STKLD1: variants seen among roughly 807,000 people sequenced by gnomAD.
STKLD1 encodes the protein serine/threonine kinase-like domain-containing protein STKLD1.
STKLD1 carries 79 observed loss-of-function variants against 80.4 expected under a neutral mutation model. The ratio of observed to expected loss-of-function variants is 0.98; its 90% CI spans 0.82 to 1.19. The LOEUF (loss-of-function observed/expected upper bound fraction) is 1.19, where lower values mean the gene tolerates loss of function less well. STKLD1 is among the 50% of genes most tolerant of loss of function. STKLD1 has a pLI of 0.00. For missense variants in STKLD1, 841 were observed against 856.0 expected (o/e 0.98, Z 0.22); for synonymous variants, 393 against 357.6 (o/e 1.10, Z -1.12).
intron 14 of STKLD1, 135 bp downstream of exon 14, chr9:133,403,147 C>A (rs1334967925): frequency 6.7e-6 from 6 of 895,998 alleles, no homozygotes; most frequent in Non-Finnish European, 9.6e-6. Flanking sequence ...GGGAAAGGCT[C>A]TTCTGAGAGC....
Position 133,394,997 on chromosome 9 carries a change from C to A in STKLD1, c.702+588C>A, listed in dbSNP as rs960671503. On this transcript the variant is annotated intron_variant, in intron 8 of 17. Coordinates refer to ENST00000371957, the MANE Select transcript of STKLD1 (RefSeq NM_153710.5). The surrounding 1 kb of genome is among the most constrained non-coding windows in gnomAD (Gnocchi z 4.9). ...AGGGAGGCAGGGAAGTCCAGCCTGT[C>A]GCTTCCTATCCTCTATATGCAGAAG... 2.0e-5 allele frequency among the ~76,000 whole-genome samples: 3 copies of A among 152,168 alleles called. No homozygotes were observed. Among genetic ancestry groups the A allele is most frequent in the Admixed American group, 6.5e-5 (1 of 15,290 alleles).
chr9:133,402,412 C>T (rs1838731315), intron 13 of STKLD1, among the ~76,000 whole-genome samples: 1 of 152,166 alleles, frequency 6.6e-6, no homozygotes, highest in Admixed American at 6.5e-5. Flanking sequence ...GCCCCAGCAC[C>T]CTCTTTACTG....
At chr9:133,387,150 A>T (rs1362012828) in intron 4 of STKLD1, among the ~76,000 whole-genome samples, 2 of 152,176 alleles carry the variant, frequency 1.3e-5, no homozygotes, top group African/African-American at 2.4e-5. Context: ...GGGGGTGGGT[A>T]GTGGTCCAAG....
At chr9:133,383,937 A>C (rs2130271643) in intron 3 of STKLD1, 37 bp downstream of exon 3, 11 of 1,589,566 alleles carry the variant, frequency 6.9e-6, no homozygotes, top group Non-Finnish European at 8.6e-6. Flanking sequence ...GGAAGAGCTC[A>C]ATGGAGCATA....
Position 133,394,551 on chromosome 9 carries a change from C to G in STKLD1, c.702+142C>G, listed in dbSNP as rs1838508441. On this transcript the variant is annotated intron_variant, in intron 8 of 17. Coordinates refer to ENST00000371957, the MANE Select transcript of STKLD1 (RefSeq NM_153710.5). This position sits in a 1 kb window ranked among gnomAD's most constrained non-coding sequence, Gnocchi z 4.9. ...GGCTGCACAGAGCCCTCTTCTCCAC[C>G]TGCGAGGGGCCTGCCCTCCTCAGAA... 2.9e-6 allele frequency: 2 copies of G among 678,126 alleles called. No homozygotes were observed. Among genetic ancestry groups the G allele is most frequent in the Non-Finnish European group, 5.3e-6 (2 of 378,852 alleles). The allele number at this position is 678,126 out of a possible 1,614,324, so 42.0% of individuals were successfully genotyped here.
chr9:133,398,440 G>A (rs982344089), intron 11 of STKLD1, among the ~76,000 whole-genome samples: 2 of 152,196 alleles, frequency 1.3e-5, no homozygotes, highest in African/African-American at 4.8e-5. Context: ...AGATGTTCAA[G>A]AGTGTGAATA....
At position 133,376,378 on chromosome 9, in the gene STKLD1, GGC is replaced by G; in HGVS notation, c.-93_-92del. On this transcript the variant is annotated 5_prime_UTR_variant, in exon 1 of 18. Transcript: ENST00000371957. The stretch of plus-strand genomic sequence containing the variant: ...GGGAGGGACGCCTGAGTGCCTCGAG[GGC>G]GCCGTTCGGGCGGGGAGGATCCCGC... 1 of 1,414,800 alleles carries G rather than the reference GGC, an allele frequency of 7.1e-7. No homozygotes were observed. Among genetic ancestry groups the G allele is most frequent in the Non-Finnish European group, 9.3e-7 (1 of 1,076,010 alleles). The allele number at this position is 1,414,800 out of a possible 1,614,324, so 87.6% of individuals were successfully genotyped here.
At chr9:133,383,426 GTGA>G (rs1382823981) in intron 2 of STKLD1, among the ~76,000 whole-genome samples, 8 of 144,586 alleles carry the variant, frequency 5.5e-5, no homozygotes, top group African/African-American at 2.0e-4. Flanking sequence ...GGTAATGATG[GTGA>G]TGATAGTGGT....
rs782441886 is a variant in STKLD1, at chr9:133,402,892, T to G, written c.1354T>G (p.Ser452Ala). The G allele has an allele frequency of 6.3e-7, 1 of 1,595,082 alleles. No individual in the cohort carries two copies. The highest frequency in any genetic ancestry group is 8.5e-7 in the Non-Finnish European group (1 of 1,171,268). The change falls in exon 14 of 18, where the codon TCA becomes GCA. Residue 452 changes from serine to alanine, a missense_variant. Transcript: ENST00000371957. ...CTCACCCACAGAGTCAGAGTCACTG[T>G]CAGAGGAGCTGCAGAATGCTGGGCT... ...ITTTQESESL[S>A]EELQNAGLLE...
At chr9:133,391,158 C>T (rs2130288331) in intron 7 of STKLD1, among the ~76,000 whole-genome samples, 6 of 151,426 alleles carry the variant, frequency 4.0e-5, no homozygotes, top group Admixed American at 2.6e-4. Context: ...GCCCCCCGCC[C>T]GGCCAGCCGC....
intron 4 of STKLD1, among the ~76,000 whole-genome samples, chr9:133,387,002 C>T (rs1282292132): frequency 7.2e-5 from 11 of 152,206 alleles, no homozygotes; most frequent in Non-Finnish European, 1.6e-4. Flanking sequence ...GCAGAGAAGC[C>T]AAGAGGACAT....
rs966343002 is a variant in STKLD1 at position 133,390,251 on chromosome 9, A to G, written c.468-430A>G. Among the ~76,000 whole-genome samples, 2 of 125,032 alleles carry G rather than the reference A, an allele frequency of 1.6e-5. No homozygotes were observed. Among genetic ancestry groups the G allele is most frequent in the South Asian group, 2.4e-4 (1 of 4,242 alleles). 82.0% of individuals were successfully genotyped at this position (125,032 alleles called of 152,430 possible). ...CACACACACACACACACACACACAC[A>G]CCACGCAGACCATACGTACAAAGGG... On this transcript the variant is annotated intron_variant, in intron 6 of 17. Coordinates refer to ENST00000371957, the MANE Select transcript of STKLD1 (RefSeq NM_153710.5). The surrounding 1 kb of genome is among the most constrained non-coding windows in gnomAD (Gnocchi z 5.1).
chr9:133,395,575 A>C, intron 8 of STKLD1, 25 bp from the exon 9 acceptor site: 1 of 1,610,414 alleles, frequency 6.2e-7, no homozygotes, highest in South Asian at 1.1e-5. Context: ...AAGGGAATAC[A>C]CAGAGCTGTC....
At chr9:133,382,613 G>T (rs1272920717) in intron 2 of STKLD1, among the ~76,000 whole-genome samples, 2 of 151,388 alleles carry the variant, frequency 1.3e-5, no homozygotes, top group Non-Finnish European at 3.0e-5. Flanking sequence ...TGGTGGTCAT[G>T]GTGATTATGG....
chr9:133,395,836 C>G, intron 9 of STKLD1, 73 bp downstream of exon 9: 1 of 1,485,316 alleles, frequency 6.7e-7, no homozygotes, highest in South Asian at 1.2e-5. Flanking sequence ...AATACAAGCA[C>G]AGCTAGTTGG....
Position 133,389,468 on chromosome 9 carries a change from C to G in STKLD1, c.397-58C>G. On this transcript the variant is annotated intron_variant, in intron 5 of 17. Coordinates refer to ENST00000371957, the MANE Select transcript of STKLD1 (RefSeq NM_153710.5). The surrounding 1 kb of genome is among the most constrained non-coding windows in gnomAD (Gnocchi z 6.4). The stretch of plus-strand genomic sequence containing the variant: ...CCTGCTGGCTGCTCTGAGTGTCACC[C>G]CCCTGAAAGCAGCACAGGGTGCCCC... The G allele has an allele frequency of 6.3e-7, 1 of 1,594,786 alleles. No individual in the cohort carries two copies. Among genetic ancestry groups the G allele is most frequent in the East Asian group, 2.3e-5 (1 of 44,260 alleles).
chr9:133,403,920 G>A lies in STKLD1; in HGVS notation c.1604G>A (p.Gly535Asp). 1 of 1,606,296 alleles carries A rather than the reference G, an allele frequency of 6.2e-7. No homozygotes were observed. Among genetic ancestry groups the A allele is most frequent in the South Asian group, 1.1e-5 (1 of 90,468 alleles). ...AAGGCAGCCCGGCCCCTTTCTGCAG[G>A]CTGCATCAAGGAGCAGCAGTTTGAA... Reference protein sequence around the residue: ...CGVFWLLSLLGCIKEQQFEQV... With the variant: ...CGVFWLLSLLDCIKEQQFEQV... The change falls in exon 16 of 18, where the codon GGC becomes GAC. Residue 535 changes from glycine (G) to aspartate (D), a missense_variant and splice_region_variant. Physicochemically the swap from Gly to Asp is moderately conservative, Grantham distance 94 (BLOSUM62 -1). Transcript: ENST00000371957.
chr9:133,403,134 T>G, intron 14 of STKLD1, 122 bp downstream of exon 14: 1 of 1,040,390 alleles, frequency 9.6e-7, no homozygotes, highest in Non-Finnish European at 1.3e-6. Context: ...ACAGCCATAG[T>G]CCGGGAAAGG....
chr9:133,404,041 G>C lies in STKLD1; in HGVS notation c.1725G>C (p.Lys575Asn). The C allele has an allele frequency of 6.2e-7, 1 of 1,603,082 alleles. No homozygotes were observed. ...NAYRGLASLV[K>N]VSELAAFKVV... is the part of the protein sequence containing the mutation. Reference sequence around the variant, plus strand: ...ACCGGGGACTGGCCAGCCTGGTGAAGGTGTCAGGTGAGCCTGGGGACAGGA... The same window carrying C: ...ACCGGGGACTGGCCAGCCTGGTGAACGTGTCAGGTGAGCCTGGGGACAGGA... Residue 575 changes from lysine (K) to asparagine (N), a missense_variant, in exon 16 of 18, where the codon AAG (lysine) becomes AAC (asparagine). Lys to Asn is a moderately conservative substitution (Grantham distance 94, BLOSUM62 0). Coordinates refer to ENST00000371957, the MANE Select transcript of STKLD1 (RefSeq NM_153710.5).
Sources: allele counts gnomAD v4.1 joint callset (sites outside exome capture counted in the v4.1 genomes callset), GRCh38; gene constraint gnomAD v4.1.1; non-coding constraint Gnocchi (gnomAD v3.1); transcripts MANE v1.5; gene names NCBI Gene and HGNC (gene_info 2026-07-23, HGNC 2026-07-21).